The following LHFPL3 variants were observed in gnomAD, a reference collection of about 807,000 sequenced individuals.
LHFPL3 encodes the protein LHFPL tetraspan subfamily member 3 protein.
Under a neutral mutation model 19.3 loss-of-function variants are expected in LHFPL3, and 5 were observed. The observed-to-expected ratio is 0.26, with a 90% CI of 0.14 to 0.54. The LOEUF (loss-of-function observed/expected upper bound fraction) is 0.54. Ranked by LOEUF, LHFPL3 falls within the 20% of genes least tolerant of loss-of-function variation. The pLI is 0.94. For missense variants in LHFPL3, 249 were observed against 307.4 expected, an observed-to-expected ratio of 0.81 and a Z score of 1.42; for synonymous variants, 133 against 126.2, an observed-to-expected ratio of 1.05 and a Z score of -0.36.
chr7:104,827,138 T>C (rs1790839492), intron 2 of LHFPL3, among the ~76,000 whole-genome samples: 1 of 152,026 alleles, frequency 6.6e-6, no homozygotes, highest in African/African-American at 2.4e-5. Flanking sequence ...GGCTTCTTGA[T>C]TCTTTTACCA....
intron 1 of LHFPL3, among the ~76,000 whole-genome samples, chr7:104,388,284 T>C (rs1277426896): frequency 1.3e-5 from 2 of 152,216 alleles, no homozygotes; most frequent in African/African-American, 4.8e-5. Flanking sequence ...ATGATTTATA[T>C]TCCTTTGGGT....
chr7:104,617,391 TA>T (rs1248991577), intron 1 of LHFPL3, among the ~76,000 whole-genome samples: 3 of 152,220 alleles, frequency 2.0e-5, no homozygotes, highest in African/African-American at 7.2e-5. Context: ...AGCCTGTGGT[TA>T]CCCTGTAAAG....
chr7:104,650,962 A>G (rs774691441), intron 1 of LHFPL3, among the ~76,000 whole-genome samples: 2 of 152,238 alleles, frequency 1.3e-5, no homozygotes, highest in Non-Finnish European at 2.9e-5. Context: ...GTTAGAGTCT[A>G]TCTGCATCTC....
intron 1 of LHFPL3, among the ~76,000 whole-genome samples, chr7:104,535,222 T>C (rs930015700): frequency 2.6e-5 from 4 of 152,214 alleles, no homozygotes; most frequent in African/African-American, 9.6e-5. Flanking sequence ...CACTTGGTAT[T>C]ATTTCACGTC....
intron 1 of LHFPL3, among the ~76,000 whole-genome samples, chr7:104,348,124 C>T (rs1053253612): frequency 6.6e-6 from 1 of 152,312 alleles, no homozygotes; most frequent in East Asian, 1.9e-4. Flanking sequence ...CAGTGGCTCA[C>T]GCCTGTAATC....
At chr7:104,668,069 T>G in intron 1 of LHFPL3, 1 of 1,613,826 alleles carries the variant, frequency 6.2e-7, no homozygotes, top group Non-Finnish European at 8.5e-7. Context: ...CCTATGATGT[T>G]ACAGAAGAGT....
chr7:104,368,652 CGTGT>C (rs67849394), intron 1 of LHFPL3, among the ~76,000 whole-genome samples: 34,728 of 150,022 alleles, frequency 0.23, 4,360 homozygotes, highest in African/African-American at 0.32. Context: ...CACACATGTA[CGTGT>C]GTGTGTGTGT....
In LHFPL3 at chr7:104,474,690, A is replaced by AG. The variant is rs1167945291; in HGVS notation, c.445+145466_445+145467insG. Among the ~76,000 whole-genome samples, 880 of 148,926 alleles carry AG rather than the reference A, an allele frequency of 5.9e-3. 7 individuals are homozygous for AG. The highest frequency in any genetic ancestry group is 0.02 in the African/African-American group (825 of 40,334). On this transcript the variant is annotated intron_variant, in intron 1 of 2. Transcript: ENST00000424859. ...ACAACGACAACAACAACAACAACAA[A>AG]AAAAAAAAAAAAAAAAAAGAAAGGG...
intron 1 of LHFPL3, among the ~76,000 whole-genome samples, chr7:104,597,585 T>G (rs6964099): frequency 6.6e-6 from 1 of 152,128 alleles, no homozygotes; most frequent in African/African-American, 2.4e-5. Flanking sequence ...GAATGTGATT[T>G]CTTTCATTGA....
intron 2 of LHFPL3, among the ~76,000 whole-genome samples, chr7:104,879,247 CT>C (rs1792002442): frequency 6.6e-6 from 1 of 152,048 alleles, no homozygotes; most frequent in South Asian, 2.1e-4. Context: ...GAGACCCCAT[CT>C]CTACAAAATA....
intron 1 of LHFPL3, among the ~76,000 whole-genome samples, chr7:104,495,871 A>G (rs1222577257): frequency 6.6e-6 from 1 of 152,210 alleles, no homozygotes; most frequent in Non-Finnish European, 1.5e-5. Flanking sequence ...AATACATGCT[A>G]GATACTCTGT....
chr7:104,397,736 G>C (rs1791220297), intron 1 of LHFPL3, among the ~76,000 whole-genome samples: 1 of 152,082 alleles, frequency 6.6e-6, no homozygotes, highest in Non-Finnish European at 1.5e-5. Context: ...GAAGGGGTGT[G>C]AACAACCAGA....
chr7:104,554,527 C>T (rs1391459376), intron 1 of LHFPL3, among the ~76,000 whole-genome samples: 1 of 152,092 alleles, frequency 6.6e-6, no homozygotes, highest in African/African-American at 2.4e-5. Flanking sequence ...TCCCCCAAAA[C>T]TTCATGTTGC....
chr7:104,515,616 G>A (rs576328913), intron 1 of LHFPL3, among the ~76,000 whole-genome samples: 23 of 152,280 alleles, frequency 1.5e-4, no homozygotes, highest in African/African-American at 4.8e-4. Flanking sequence ...TTAATAGAAT[G>A]ACTGGAATTA....
chr7:104,587,066 T>C (rs936320324), intron 1 of LHFPL3, among the ~76,000 whole-genome samples: 1 of 152,140 alleles, frequency 6.6e-6, no homozygotes, highest in African/African-American at 2.4e-5. Flanking sequence ...AAAACGCTCA[T>C]TGAGTTATTC....
chr7:104,662,226 A>G (rs1792236796), intron 1 of LHFPL3, among the ~76,000 whole-genome samples: 1 of 152,252 alleles, frequency 6.6e-6, no homozygotes, highest in Admixed American at 6.5e-5. Flanking sequence ...GGACATTAAT[A>G]ACTCTGAGAC....
intron 1 of LHFPL3, among the ~76,000 whole-genome samples, chr7:104,338,689 C>G (rs191206925): frequency 6.6e-6 from 1 of 152,236 alleles, no homozygotes; most frequent in Non-Finnish European, 1.5e-5. Flanking sequence ...TATTTTCTCA[C>G]CTCCATTTAT....
intron 2 of LHFPL3, among the ~76,000 whole-genome samples, chr7:104,806,793 C>T (rs918798826): frequency 1.3e-5 from 2 of 152,308 alleles, no homozygotes; most frequent in Admixed American, 1.3e-4. Flanking sequence ...CCAACAAAGT[C>T]TTGCTGTGGA....
chr7:104,677,869 A>G (rs111879973), intron 1 of LHFPL3, among the ~76,000 whole-genome samples: 1 of 152,204 alleles, frequency 6.6e-6, no homozygotes, highest in Non-Finnish European at 1.5e-5. Context: ...TTCCTCCTAC[A>G]TGGGGAAACT....
Sources: allele counts gnomAD v4.1 joint callset (sites outside exome capture counted in the v4.1 genomes callset), GRCh38; gene constraint gnomAD v4.1.1; transcripts MANE v1.5; gene names NCBI Gene and HGNC (gene_info 2026-07-23, HGNC 2026-07-21).